CNTNAP2: variants seen among roughly 807,000 people sequenced by gnomAD.
CNTNAP2 encodes the protein contactin-associated protein-like 2.
CNTNAP2 carries 98 observed loss-of-function variants against 155.2 expected under a neutral mutation model. That is an observed-to-expected ratio of 0.63 (90% CI 0.54 to 0.75). The LOEUF (loss-of-function observed/expected upper bound fraction) is 0.75, where lower values mean the gene tolerates loss of function less well. Ranked by LOEUF, CNTNAP2 falls within the 30% of genes least tolerant of loss-of-function variation. CNTNAP2 has a pLI of 0.00. For missense variants in CNTNAP2, 1,727 were observed against 1,688.1 expected (o/e 1.02, Z -0.40); for synonymous variants, 651 against 631.2 (o/e 1.03, Z -0.47).
At chr7:146,538,126 C>T (rs1198375287) in intron 1 of CNTNAP2, among the ~76,000 whole-genome samples, 3 of 151,980 alleles carry the variant, frequency 2.0e-5, no homozygotes, top group Admixed American at 1.3e-4. Context: ...CCACAGTAAT[C>T]GCAACAAAGG....
intron 21 of CNTNAP2, among the ~76,000 whole-genome samples, chr7:148,279,405 T>C (rs1796933410): frequency 6.6e-6 from 1 of 152,110 alleles, no homozygotes; most frequent in Admixed American, 6.5e-5. Flanking sequence ...ATGTGGTGGG[T>C]GAGAGAAAGA....
intron 6 of CNTNAP2, chr7:147,121,900 G>A (rs957958911): frequency 3.9e-5 from 6 of 151,918 alleles, no homozygotes; most frequent in Admixed American, 2.0e-4. Context: ...TTTGTCAGCC[G>A]GGCGTGGTGG....
intron 15 of CNTNAP2, among the ~76,000 whole-genome samples, chr7:148,054,881 CT>C (rs372468541): frequency 0.055 from 7,538 of 136,752 alleles, 554 homozygotes; most frequent in African/African-American, 0.18. Flanking sequence ...TAATAGGAAT[CT>C]TTTTTTTTTT....
intron 1 of CNTNAP2, among the ~76,000 whole-genome samples, chr7:146,123,085 CT>C: frequency 6.6e-6 from 1 of 152,192 alleles, no homozygotes; most frequent in South Asian, 2.1e-4. Flanking sequence ...AAAGCCTCCC[CT>C]GATAGTAGGA....
intron 1 of CNTNAP2, among the ~76,000 whole-genome samples, chr7:146,682,397 G>A (rs1319883204): frequency 6.6e-6 from 1 of 152,134 alleles, no homozygotes; most frequent in African/African-American, 2.4e-5. Flanking sequence ...ACCGTTTATA[G>A]TAAGGACCAT....
chr7:147,739,357 G>C (rs747229625), intron 13 of CNTNAP2, among the ~76,000 whole-genome samples: 2 of 151,886 alleles, frequency 1.3e-5, no homozygotes, highest in Non-Finnish European at 2.9e-5. Context: ...AAGCAACCTT[G>C]TTCATTCTCA....
intron 2 of CNTNAP2, among the ~76,000 whole-genome samples, chr7:146,795,870 G>A (rs1474361579): frequency 5.9e-5 from 9 of 152,234 alleles, no homozygotes; most frequent in Non-Finnish European, 8.8e-5. Flanking sequence ...AGTGTGTATT[G>A]TATAATAACC....
chr7:147,957,718 C>T (rs903776525), intron 14 of CNTNAP2, among the ~76,000 whole-genome samples: 34 of 152,018 alleles, frequency 2.2e-4, no homozygotes, highest in Non-Finnish European at 7.4e-5. Flanking sequence ...ATGCCATGAA[C>T]ATTATGTTAG....
At chr7:147,674,727 C>T (rs1319314353) in intron 13 of CNTNAP2, among the ~76,000 whole-genome samples, 2 of 152,022 alleles carry the variant, frequency 1.3e-5, no homozygotes, top group African/African-American at 2.4e-5. Flanking sequence ...AGAATTTATT[C>T]CTTATTACAA....
intron 13 of CNTNAP2, among the ~76,000 whole-genome samples, chr7:147,723,735 C>T (rs1303767606): frequency 1.3e-5 from 2 of 152,044 alleles, no homozygotes; most frequent in East Asian, 3.9e-4. Flanking sequence ...GTCTTCGCTA[C>T]TCAGGACTTC....
chr7:146,290,958 A>G (rs1406797220), intron 1 of CNTNAP2, among the ~76,000 whole-genome samples: 1 of 152,180 alleles, frequency 6.6e-6, no homozygotes, highest in Non-Finnish European at 1.5e-5. Context: ...TTTTCCTATA[A>G]TACCGTAATT....
intron 1 of CNTNAP2, among the ~76,000 whole-genome samples, chr7:146,492,846 A>C (rs1466518345): frequency 2.6e-5 from 4 of 152,210 alleles, no homozygotes; most frequent in African/African-American, 9.7e-5. Context: ...GCTAAAATCT[A>C]CTCATTTAAC....
intron 8 of CNTNAP2, among the ~76,000 whole-genome samples, chr7:147,202,502 G>A (rs1584790144): frequency 6.6e-6 from 1 of 152,272 alleles, no homozygotes; most frequent in Non-Finnish European, 1.5e-5. Flanking sequence ...GTATCAAACT[G>A]TCCATTAACC....
intron 10 of CNTNAP2, among the ~76,000 whole-genome samples, chr7:147,462,123 A>T (rs1528531): frequency 6.6e-6 from 1 of 151,896 alleles, no homozygotes; most frequent in East Asian, 1.9e-4. Flanking sequence ...ACCCTCATCC[A>T]CCCTGCAAAC....
chr7:147,742,794 C>A (rs1015743056), intron 13 of CNTNAP2, among the ~76,000 whole-genome samples: 2 of 152,116 alleles, frequency 1.3e-5, no homozygotes, highest in South Asian at 2.1e-4. Flanking sequence ...TTATGCAAAA[C>A]AAACACAGCG....
intron 16 of CNTNAP2, among the ~76,000 whole-genome samples, chr7:148,147,098 A>G (rs1805198005): frequency 6.6e-6 from 1 of 152,168 alleles, no homozygotes; most frequent in South Asian, 2.1e-4. Context: ...GTGGAATTAG[A>G]AGATATCAGG....
chr7:146,578,869 G>A (rs1371647839), intron 1 of CNTNAP2, among the ~76,000 whole-genome samples: 2 of 151,954 alleles, frequency 1.3e-5, no homozygotes, highest in South Asian at 4.2e-4. Context: ...TTAAATCCCT[G>A]CTCCATTAAC....
chr7:146,394,967 A>G (rs1795598980), intron 1 of CNTNAP2, among the ~76,000 whole-genome samples: 2 of 151,958 alleles, frequency 1.3e-5, no homozygotes, highest in South Asian at 4.2e-4. Context: ...TTTTGCTACC[A>G]CTCATAAGTG....
At chr7:147,638,550 C>T (rs1252153517) in intron 12 of CNTNAP2, among the ~76,000 whole-genome samples, 1 of 152,156 alleles carries the variant, frequency 6.6e-6, no homozygotes, top group Non-Finnish European at 1.5e-5. Flanking sequence ...TAGTCACTTG[C>T]TTTATTCCAC....
Sources: allele counts gnomAD v4.1 joint callset (sites outside exome capture counted in the v4.1 genomes callset), GRCh38; gene constraint gnomAD v4.1.1; transcripts MANE v1.5; gene names NCBI Gene and HGNC (gene_info 2026-07-23, HGNC 2026-07-21).